DENND2A: variants seen among roughly 807,000 people sequenced by gnomAD.
DENND2A encodes DENN domain-containing protein 2A.
In DENND2A, 53 loss-of-function variants were observed where a neutral mutation model predicts 105.3. The observed-to-expected ratio is 0.50, with a 90% confidence interval of 0.40 to 0.63. The LOEUF (loss-of-function observed/expected upper bound fraction) is 0.63. Among genes scored for constraint, DENND2A ranks in the 30% least tolerant of loss-of-function variants. The probability of loss-of-function intolerance (pLI) is 0.00; values close to 1 mark genes in which losing one functional copy is unlikely to be tolerated. For synonymous variants in DENND2A, 522 were observed against 508.4 expected (o/e 1.03, Z -0.36); for missense variants, 1,138 against 1,279.6 (o/e 0.89, Z 1.69).
Position 140,546,798 on chromosome 7 carries a change from C to T in DENND2A, c.2178+1G>A, listed in dbSNP as rs1796928677. 2 of 1,614,032 alleles carry T rather than the reference C, an allele frequency of 1.2e-6. No homozygotes were observed. Among genetic ancestry groups the T allele is most frequent in the Non-Finnish European group, 1.7e-6 (2 of 1,179,942 alleles). On this transcript the variant is annotated splice_donor_variant, in intron 13 of 19. Transcript: ENST00000496613. LOFTEE classifies it high-confidence loss of function. ...GAGAAGGAAGGAGTCTGACAACTCACCTCAGTTCCTGAACCTGGCAGGAAG... is the reference window on the plus strand; with the variant it reads ...GAGAAGGAAGGAGTCTGACAACTCATCTCAGTTCCTGAACCTGGCAGGAAG...
chr7:140,544,069 T>C, intron 14 of DENND2A: 1 of 180,264 alleles, frequency 5.5e-6, no homozygotes, highest in Non-Finnish European at 1.2e-5. Context: ...TTTTTGTATC[T>C]TTAGTAGAGA....
chr7:140,521,943 G>A lies in DENND2A; in HGVS notation c.2823C>T (p.Ser941=), dbSNP rs1436871288. The part of the protein sequence containing the change: ...EAFRKAVSSK[S]LRHFLEVFME... ...TGAAGACCTCCAGGAAGTGGCGGAG[G>A]CTCTTGGAGGAGACAGCTTTGCGGA... The change falls in exon 18 of 20, where the codon AGC becomes AGT. Residue 941 remains serine, a synonymous_variant. Transcript: ENST00000496613. 6.2e-7 allele frequency: 1 copy of A among 1,613,990 alleles called. No homozygotes were observed. The highest frequency in any genetic ancestry group is 8.5e-7 in the Non-Finnish European group (1 of 1,180,044).
intron 14 of DENND2A, among the ~76,000 whole-genome samples, chr7:140,538,502 T>C (rs1485610267): frequency 1.3e-5 from 2 of 152,162 alleles, no homozygotes; most frequent in African/African-American, 4.8e-5. Context: ...ACTTTCTTTT[T>C]TCTTTTTTTA....
At chr7:140,543,195 T>C (rs551272266) in intron 14 of DENND2A, among the ~76,000 whole-genome samples, 50 of 151,332 alleles carry the variant, frequency 3.3e-4, no homozygotes, top group African/African-American at 1.2e-3. Context: ...CATAGCTCAC[T>C]GCAACCTTGA....
At chr7:140,571,980 ATCTCTCTCTCTC>A (rs58273598) in intron 6 of DENND2A, among the ~76,000 whole-genome samples, 63 of 149,050 alleles carry the variant, frequency 4.2e-4, no homozygotes, top group African/African-American at 7.4e-4. Flanking sequence ...CAGCAGAACC[ATCTCTCTCTCTC>A]TCTCTCTCTC....
At chr7:140,637,114 C>T (rs867779132) in intron 1 of DENND2A, among the ~76,000 whole-genome samples, 29 of 141,446 alleles carry the variant, frequency 2.1e-4, no homozygotes, top group Admixed American at 4.6e-4. Context: ...CCTCCCAAAG[C>T]GTTGGGATTA....
chr7:140,525,153 CTTTT>C (rs1198329788), intron 16 of DENND2A, among the ~76,000 whole-genome samples: 2 of 112,002 alleles, frequency 1.8e-5, no homozygotes. Context: ...GAGACCCTGT[CTTTT>C]TTTTTTTTTT....
chr7:140,609,467 C>T (rs928359396), intron 1 of DENND2A, among the ~76,000 whole-genome samples: 4 of 152,082 alleles, frequency 2.6e-5, no homozygotes, highest in Non-Finnish European at 4.4e-5. Flanking sequence ...AAGCCGAGAT[C>T]GCCCCACTGT....
chr7:140,600,382 G>A (rs1180016841), intron 3 of DENND2A, among the ~76,000 whole-genome samples: 7 of 150,660 alleles, frequency 4.6e-5, no homozygotes, highest in African/African-American at 1.7e-4. Flanking sequence ...GAGAAGAAAA[G>A]TCTCAGGTCT....
intron 6 of DENND2A, among the ~76,000 whole-genome samples, chr7:140,573,071 C>A (rs1327460467): frequency 1.3e-5 from 2 of 152,236 alleles, no homozygotes; most frequent in African/African-American, 4.8e-5. Flanking sequence ...GCTCTTTCTT[C>A]AGCCTAGTAT....
chr7:140,559,607 A>T lies in DENND2A; in HGVS notation c.1889+101T>A. The T allele has an allele frequency of 1.2e-6, 1 of 829,308 alleles. No homozygotes were observed. Among genetic ancestry groups the T allele is most frequent in the Non-Finnish European group, 2.0e-6 (1 of 503,760 alleles). The allele number at this position is 829,308 out of a possible 1,614,324, so 51.4% of individuals were successfully genotyped here. ...GCTCTAGGCCAGGCCCATCAGGATT[A>T]CTTAACGGTGGGAATGACTCATGTG... is the stretch of plus-strand genomic sequence containing the variant. On this transcript the variant is annotated intron_variant, in intron 10 of 19. Coordinates refer to ENST00000496613, the MANE Select transcript of DENND2A (RefSeq NM_015689.5). The surrounding 1 kb of genome is among the most constrained non-coding windows in gnomAD (Gnocchi z 4.1).
intron 10 of DENND2A, among the ~76,000 whole-genome samples, chr7:140,558,560 G>A (rs1045309204): frequency 2.0e-5 from 3 of 152,114 alleles, no homozygotes; most frequent in African/African-American, 7.2e-5. Flanking sequence ...GCCAGGCATG[G>A]TGGCACATGC....
chr7:140,589,042 C>G (rs1463866719), intron 3 of DENND2A, among the ~76,000 whole-genome samples: 1 of 152,134 alleles, frequency 6.6e-6, no homozygotes, highest in African/African-American at 2.4e-5. Flanking sequence ...TGTGCCCGGC[C>G]TCTTATACAC....
chr7:140,610,400 C>A (rs1799851456), intron 1 of DENND2A, among the ~76,000 whole-genome samples: 1 of 151,912 alleles, frequency 6.6e-6, no homozygotes, highest in Non-Finnish European at 1.5e-5. Context: ...CCTCTTACTC[C>A]CAATTACGTC....
At chr7:140,538,516 T>G (rs1484725205) in intron 14 of DENND2A, among the ~76,000 whole-genome samples, 1 of 152,212 alleles carries the variant, frequency 6.6e-6, no homozygotes, top group African/African-American at 2.4e-5. Flanking sequence ...TTTTTTAATT[T>G]TTTTAATTGA....
intron 5 of DENND2A, among the ~76,000 whole-genome samples, chr7:140,581,626 G>T (rs1299668902): frequency 6.6e-6 from 1 of 152,186 alleles, no homozygotes; most frequent in Non-Finnish European, 1.5e-5. Flanking sequence ...GAAGTCTCCA[G>T]CTGTCCCCTA....
intron 1 of DENND2A, among the ~76,000 whole-genome samples, chr7:140,623,128 A>C (rs1800361222): frequency 6.7e-6 from 1 of 149,638 alleles, no homozygotes; most frequent in African/African-American, 2.5e-5. Flanking sequence ...TGAACTCAGG[A>C]GTTCGAGACC....
rs1049753920 is a variant in DENND2A at position 140,559,561 on chromosome 7, T to C, written c.1889+147A>G. ...GGTGACTTCACCTTCAGGGAAGCTT[T>C]AAAAACACCCCTTGGGGAAAGCTCT... On this transcript the variant is annotated intron_variant, in intron 10 of 19. Coordinates refer to ENST00000496613, the MANE Select transcript of DENND2A (RefSeq NM_015689.5). The surrounding 1 kb of genome is among the most constrained non-coding windows in gnomAD (Gnocchi z 4.1). 3.2e-6 allele frequency: 2 copies of C among 620,730 alleles called. No homozygotes were observed. Among genetic ancestry groups the C allele is most frequent in the Non-Finnish European group, 5.6e-6 (2 of 358,386 alleles). The allele number at this position is 620,730 out of a possible 1,614,324, so 38.5% of individuals were successfully genotyped here.
At chr7:140,620,085 A>G (rs949644241) in intron 1 of DENND2A, among the ~76,000 whole-genome samples, 3 of 151,762 alleles carry the variant, frequency 2.0e-5, no homozygotes, top group Middle Eastern at 3.4e-3. Context: ...AGTCCCAACT[A>G]CTCAGGAGGC....
Sources: allele counts gnomAD v4.1 joint callset (sites outside exome capture counted in the v4.1 genomes callset), GRCh38; gene constraint gnomAD v4.1.1; non-coding constraint Gnocchi (gnomAD v3.1); transcripts MANE v1.5; gene names NCBI Gene and HGNC (gene_info 2026-07-23, HGNC 2026-07-21).